The following SLF1 variants were observed in gnomAD, a reference collection of about 807,000 sequenced individuals.
The protein encoded by SLF1 is SMC5-SMC6 complex localization factor protein 1.
In SLF1, 105 loss-of-function variants were observed where a neutral mutation model predicts 123.0. The ratio of observed to expected loss-of-function variants is 0.85; its 90% CI spans 0.73 to 1.00. SLF1 has a LOEUF of 1.00. Among genes scored for constraint, SLF1 ranks in the 50% least tolerant of loss-of-function variants. The probability of loss-of-function intolerance (pLI) is 0.00; values close to 1 mark genes in which losing one functional copy is unlikely to be tolerated. For missense variants in SLF1, 1,239 were observed against 1,223.0 expected (o/e 1.01, Z -0.20); for synonymous variants, 434 against 406.6 (o/e 1.07, Z -0.81).
At chr5:94,683,420 T>G (rs1271810072) in intron 15 of SLF1, among the ~76,000 whole-genome samples, 2 of 152,214 alleles carry the variant, frequency 1.3e-5, no homozygotes, top group African/African-American at 4.8e-5. Flanking sequence ...TATTTTATTT[T>G]TACTTTTGGA....
intron 4 of SLF1, among the ~76,000 whole-genome samples, chr5:94,636,190 A>G (rs1420626448): frequency 6.6e-6 from 1 of 152,002 alleles, no homozygotes; most frequent in Non-Finnish European, 1.5e-5. Flanking sequence ...TATGTTTCTT[A>G]TCTCCTGCTG....
Position 94,630,725 on chromosome 5 carries a change from G to A in SLF1, c.413G>A (p.Arg138Gln), listed in dbSNP as rs140709891. Residue 138 changes from arginine (R) to glutamine (Q), a missense_variant, in exon 4 of 21, where the codon CGA becomes CAA. Transcript: ENST00000265140. ...GTCCTCCTTGTTAGAACTGATAAGC[G>A]AAGTGATTCTCTTATAAGGTAGGAT... is the stretch of plus-strand genomic sequence containing the variant. ...KVVLLVRTDK[R>Q]SDSLIRVLEA... 1.5e-4 allele frequency: 228 copies of A among 1,551,348 alleles called. No homozygotes were observed. The highest frequency in any genetic ancestry group is 1.1e-3 in the African/African-American group (78 of 73,150).
chr5:94,678,551 A>T (rs1751371785), intron 14 of SLF1: 1 of 256,282 alleles, frequency 3.9e-6, no homozygotes. Context: ...TATTGGATAA[A>T]ATTAAAGTTT....
intron 9 of SLF1, among the ~76,000 whole-genome samples, chr5:94,654,981 G>A (rs1313683063): frequency 1.3e-5 from 2 of 152,134 alleles, no homozygotes; most frequent in Admixed American, 1.3e-4. Context: ...TAAGTCATGT[G>A]TTTGAAGTCT....
At position 94,697,141 on chromosome 5, in the gene SLF1, C is replaced by G. The variant is rs1753551780; in HGVS notation, c.*1829C>G. Reference sequence around the variant, plus strand: ...TGCTCTGTCTGCCAACTTCTACAAGCAGTGATGACATGAAGTGTGAAACAG... The same window carrying G: ...TGCTCTGTCTGCCAACTTCTACAAGGAGTGATGACATGAAGTGTGAAACAG... On this transcript the variant is annotated 3_prime_UTR_variant, in exon 21 of 21. Coordinates refer to ENST00000265140, the MANE Select transcript of SLF1 (RefSeq NM_032290.4). 6.6e-6 allele frequency: 1 copy of G among 151,772 alleles called. No individual in the cohort carries two copies. The highest frequency in any genetic ancestry group is 2.4e-5 in the African/African-American group (1 of 41,390). 9.4% of individuals were successfully genotyped at this position (151,772 alleles called of 1,614,324 possible).
chr5:94,649,622 T>C, intron 6 of SLF1, 25 bp downstream of exon 6: 2 of 1,434,788 alleles, frequency 1.4e-6, no homozygotes, highest in Non-Finnish European at 9.3e-7. Flanking sequence ...CTGAAAAACA[T>C]ACATTTCTGA....
rs767321157 is a variant in SLF1 at position 94,686,684 on chromosome 5, G to A, written c.2087G>A (p.Ser696Asn). 8.7e-6 allele frequency: 14 copies of A among 1,613,958 alleles called. No individual in the cohort carries two copies. Among genetic ancestry groups the A allele is most frequent in the Admixed American group, 3.3e-5 (2 of 60,004 alleles). ...AAGTTGTGTCTACAGAGCTCTGGCA[G>A]TGTTTCTTCTGAGCCACTCTCTCTT... ...FKKLCLQSSGSVSSEPLSLQK... is the reference protein window; with the variant it reads ...FKKLCLQSSGNVSSEPLSLQK... Residue 696 changes from serine to asparagine, a missense_variant, in exon 16 of 21, where the codon AGT becomes AAT. Transcript: ENST00000265140.
chr5:94,664,440 G>A lies in SLF1; in HGVS notation c.1368+532G>A, dbSNP rs539998748. Among the ~76,000 whole-genome samples, 5 of 152,230 alleles carry A rather than the reference G, an allele frequency of 3.3e-5. No individual in the cohort carries two copies. The East Asian group carries it at 5.8e-4, about 18-fold the overall frequency. ...CTCCCAAGTAGCTGGGACTGTAGGC[G>A]CATGCCACCATGCCTGGCTAATTTT... On this transcript the variant is annotated intron_variant, in intron 11 of 20. Coordinates refer to ENST00000265140, the MANE Select transcript of SLF1 (RefSeq NM_032290.4).
intron 8 of SLF1, among the ~76,000 whole-genome samples, chr5:94,653,854 C>CTT (rs11338723): frequency 1.4e-5 from 2 of 148,138 alleles, no homozygotes; most frequent in African/African-American, 5.0e-5. Flanking sequence ...TGGAGTATGA[C>CTT]TTTTTTTTTT....
At chr5:94,641,238 A>G (rs1746415626) in intron 4 of SLF1, among the ~76,000 whole-genome samples, 1 of 136,732 alleles carries the variant, frequency 7.3e-6, no homozygotes, top group African/African-American at 2.7e-5. Flanking sequence ...TTGTGAAAGT[A>G]TTGGAAGGTG....
At chr5:94,623,681 CAT>C (rs1467891143) in intron 1 of SLF1, among the ~76,000 whole-genome samples, 1 of 152,118 alleles carries the variant, frequency 6.6e-6, no homozygotes, top group African/African-American at 2.4e-5. Context: ...CTACCTCAGA[CAT>C]ATCACTTACA....
intron 4 of SLF1, among the ~76,000 whole-genome samples, chr5:94,638,997 C>A (rs934617662): frequency 1.5e-5 from 2 of 132,584 alleles, no homozygotes; most frequent in African/African-American, 5.7e-5. Flanking sequence ...AATCTAGTAT[C>A]TTGCTGTTTA....
chr5:94,634,382 C>G (rs1184842003), intron 4 of SLF1, among the ~76,000 whole-genome samples: 2 of 152,130 alleles, frequency 1.3e-5, no homozygotes, highest in African/African-American at 4.8e-5. Flanking sequence ...CTTTTAGGTT[C>G]TATAAATCTA....
In SLF1 at chr5:94,665,971, T is replaced by G. The variant is rs1254461102; in HGVS notation, c.1479T>G (p.Phe493Leu). ...TGTCGAGATATTATTTAGAGTTGTTTCAGTGTCCAACTTGTATGAAAGGAG... is the reference window on the plus strand; with the variant it reads ...TGTCGAGATATTATTTAGAGTTGTTGCAGTGTCCAACTTGTATGAAAGGAG... ...PAMSRYYLEL[F>L]QCPTCMKGAW... is the part of the protein sequence containing the mutation. The change falls in exon 12 of 21, where the codon TTT (phenylalanine) becomes TTG (leucine). Residue 493 changes from phenylalanine to leucine, a missense_variant. By Grantham distance (22) the Phe-to-Leu change is conservative. Coordinates refer to ENST00000265140, the MANE Select transcript of SLF1 (RefSeq NM_032290.4). 6.4e-7 allele frequency: 1 copy of G among 1,551,466 alleles called. No homozygotes were observed. Among genetic ancestry groups the G allele is most frequent in the Non-Finnish European group, 8.7e-7 (1 of 1,146,836 alleles).
rs367711997 is a variant in SLF1 at position 94,680,183 on chromosome 5, A to G, written c.1975+1228A>G. Among the ~76,000 whole-genome samples the G allele has an allele frequency of 4.0e-4, 61 of 152,350 alleles. 2 individuals carry two copies. In the South Asian group the frequency reaches 0.013, roughly 32 times the overall value. ...ATACTTTGAAGAGAGACTTCAGAATAGGAATCCAGGTTATAACTGGGTTCA... is the reference window on the plus strand; with the variant it reads ...ATACTTTGAAGAGAGACTTCAGAATGGGAATCCAGGTTATAACTGGGTTCA... On this transcript the variant is annotated intron_variant, in intron 15 of 20. Transcript: ENST00000265140.
chr5:94,686,948 A>G (rs1752501068), intron 16 of SLF1, among the ~76,000 whole-genome samples: 1 of 151,940 alleles, frequency 6.6e-6, no homozygotes, highest in Admixed American at 6.6e-5. Flanking sequence ...CACCATACCC[A>G]GCTAATTTTT....
At chr5:94,665,198 A>G (rs1327143617) in intron 11 of SLF1, among the ~76,000 whole-genome samples, 7 of 152,164 alleles carry the variant, frequency 4.6e-5, no homozygotes, top group African/African-American at 1.7e-4. Context: ...CTGTAATTCC[A>G]GCACTTTCAG....
At chr5:94,623,636 C>A (rs1179296903) in intron 1 of SLF1, among the ~76,000 whole-genome samples, 1 of 152,026 alleles carries the variant, frequency 6.6e-6, no homozygotes, top group Non-Finnish European at 1.5e-5. Flanking sequence ...CCTTCTTGTG[C>A]TGCAAGACTT....
chr5:94,627,525 A>T (rs1744594395), intron 1 of SLF1, among the ~76,000 whole-genome samples: 1 of 148,204 alleles, frequency 6.7e-6, no homozygotes, highest in South Asian at 2.1e-4. Flanking sequence ...GATTTTTTTT[A>T]AAAAGTGATT....
Sources: allele counts gnomAD v4.1 joint callset (sites outside exome capture counted in the v4.1 genomes callset), GRCh38; gene constraint gnomAD v4.1.1; transcripts MANE v1.5; gene names NCBI Gene and HGNC (gene_info 2026-07-23, HGNC 2026-07-21).